PCLO: variants seen among roughly 807,000 people sequenced by gnomAD.
The protein encoded by PCLO is protein piccolo.
PCLO carries 82 observed loss-of-function variants against 427.5 expected under a neutral mutation model. The observed-to-expected ratio is 0.19, with a 90% CI of 0.16 to 0.23. The LOEUF is 0.23. Among genes scored for constraint, PCLO ranks in the 10% least tolerant of loss-of-function variants. The probability of loss-of-function intolerance (pLI) is 1.00; values close to 1 mark genes in which losing one functional copy is unlikely to be tolerated. For synonymous variants in PCLO, 2,357 were observed against 2,155.4 expected, an observed-to-expected ratio of 1.09 and a Z score of -2.59; for missense variants, 6,239 against 6,115.9, an observed-to-expected ratio of 1.02 and a Z score of -0.67.
In PCLO at chr7:83,155,259, G is replaced by A. The variant is rs796149623; in HGVS notation, c.1382C>T (p.Ala461Val). ...AGGCTTTGTTGGGCCAGTCTGCTGG[G>A]CAGAAGTCTTTCCGGGTCCTGCCTG... ...AQQAGPGKTSAQQTGPTKPPS... is the reference protein window; with the variant it reads ...AQQAGPGKTSVQQTGPTKPPS... The change falls in exon 2 of 25, where the codon GCC (alanine) becomes GTC (valine). Residue 461 changes from alanine to valine, a missense_variant. Coordinates refer to ENST00000333891, the MANE Select transcript of PCLO (RefSeq NM_033026.6). The A allele has an allele frequency of 2.5e-6, 4 of 1,613,712 alleles. No homozygotes were observed. The highest frequency in any genetic ancestry group is 3.3e-5 in the Admixed American group (2 of 59,996).
chr7:82,946,053 G>C (rs953309152), intron 6 of PCLO, among the ~76,000 whole-genome samples: 1 of 152,156 alleles, frequency 6.6e-6, no homozygotes, highest in South Asian at 2.1e-4. Flanking sequence ...GTAAGGGCTT[G>C]CTAGTAGCTA....
chr7:83,093,492 A>ATTTTTTT (rs1169852004), intron 3 of PCLO, among the ~76,000 whole-genome samples: 22 of 59,270 alleles, frequency 3.7e-4, no homozygotes, highest in Admixed American at 8.7e-4. Flanking sequence ...ATATATATAT[A>ATTTTTTT]TTTTTTTTTT....
chr7:82,757,478 A>C lies in PCLO; in HGVS notation c.*1097T>G, dbSNP rs896931571. ...AGTGTCATGTTTTCATGATACAATC[A>C]GTAAATGAATTAAGTCATTAAGGAA... is the stretch of plus-strand genomic sequence containing the variant. On this transcript the variant is annotated 3_prime_UTR_variant, in exon 25 of 25. Coordinates refer to ENST00000333891, the MANE Select transcript of PCLO (RefSeq NM_033026.6). 4.6e-5 allele frequency: 7 copies of C among 152,030 alleles called. No homozygotes were observed. The highest frequency in any genetic ancestry group is 8.8e-5 in the Non-Finnish European group (6 of 67,940). 9.4% of individuals were successfully genotyped at this position (152,030 alleles called of 1,614,324 possible).
At chr7:82,805,890 A>G in intron 20 of PCLO, 61 bp from the exon 21 acceptor site, 1 of 1,477,480 alleles carries the variant, frequency 6.8e-7, no homozygotes, top group Non-Finnish European at 9.3e-7. Flanking sequence ...TTGATCTACA[A>G]ATGCATCATT....
chr7:82,764,127 G>A (rs1790484843), intron 22 of PCLO, among the ~76,000 whole-genome samples: 1 of 151,840 alleles, frequency 6.6e-6, no homozygotes, highest in East Asian at 1.9e-4. Flanking sequence ...TATAAAGTAT[G>A]AAACTAAAAA....
intron 17 of PCLO, among the ~76,000 whole-genome samples, chr7:82,826,973 A>G (rs1434282559): frequency 1.3e-5 from 2 of 152,210 alleles, no homozygotes; most frequent in South Asian, 2.1e-4. Context: ...TACTCTAAAT[A>G]TAAGAAATTC....
intron 7 of PCLO, 123 bp from the exon 8 acceptor site, chr7:82,909,136 A>C: frequency 1.2e-6 from 1 of 851,168 alleles, no homozygotes; most frequent in Non-Finnish European, 1.8e-6. Context: ...TTTCAAACAC[A>C]TCTCCCCTTG....
chr7:83,065,740 G>A (rs1789654441), intron 3 of PCLO, among the ~76,000 whole-genome samples: 1 of 151,888 alleles, frequency 6.6e-6, no homozygotes, highest in Non-Finnish European at 1.5e-5. Context: ...ATAAAAAACA[G>A]GAAAGCTTTC....
intron 2 of PCLO, among the ~76,000 whole-genome samples, chr7:83,137,129 T>C (rs935516497): frequency 6.6e-6 from 1 of 152,128 alleles, no homozygotes; most frequent in Non-Finnish European, 1.5e-5. Flanking sequence ...CAGTACAAAA[T>C]TGCAAAGTGT....
chr7:82,872,083 C>A (rs576445717), intron 10 of PCLO, among the ~76,000 whole-genome samples: 1 of 151,884 alleles, frequency 6.6e-6, no homozygotes, highest in East Asian at 1.9e-4. Context: ...CAGTGCAACA[C>A]ATTTACAAAA....
In PCLO at chr7:82,956,055, T is replaced by C. The variant is rs770206027; in HGVS notation, c.4898A>G (p.Asp1633Gly). 8 of 1,612,782 alleles carry C rather than the reference T, an allele frequency of 5.0e-6. No homozygotes were observed. Among genetic ancestry groups the C allele is most frequent in the Non-Finnish European group, 6.8e-6 (8 of 1,179,856 alleles). Residue 1633 changes from aspartate to glycine, a missense_variant, in exon 5 of 25, where the codon GAC becomes GGC. Around this residue, in one of 5 missense-constraint regions of PCLO, gnomAD observed 4,677 missense variants for 4,468.4 expected, o/e 1.05. Coordinates refer to ENST00000333891, the MANE Select transcript of PCLO (RefSeq NM_033026.6). ...AGGACTTTCATCAAATGCTTCATCG[T>C]CTTCATCATGCCATGAGTGACGTCT... is the stretch of plus-strand genomic sequence containing the variant. ...AGRRHSWHDE[D>G]DEAFDESPEL...
At chr7:82,945,613 T>C (rs1024326842) in intron 6 of PCLO, among the ~76,000 whole-genome samples, 1 of 152,166 alleles carries the variant, frequency 6.6e-6, no homozygotes, top group Non-Finnish European at 1.5e-5. Flanking sequence ...ACCCAGTTTG[T>C]GGTACTGTTA....
At chr7:82,821,464 T>A (rs1791789470) in intron 20 of PCLO, 1 of 985,482 alleles carries the variant, frequency 1.0e-6, no homozygotes, top group Non-Finnish European at 1.2e-6. Context: ...TAAAACTGGC[T>A]GTTTCTTTGA....
At chr7:82,798,865 G>A (rs560645227) in intron 22 of PCLO, among the ~76,000 whole-genome samples, 85 of 152,214 alleles carry the variant, frequency 5.6e-4, no homozygotes, top group Admixed American at 4.1e-3. Flanking sequence ...TACATATTCT[G>A]TCTTGTTCCC....
intron 3 of PCLO, among the ~76,000 whole-genome samples, chr7:82,986,722 G>A (rs1796264669): frequency 6.6e-6 from 1 of 151,878 alleles, no homozygotes; most frequent in African/African-American, 2.4e-5. Context: ...CTAAAATGGG[G>A]ATAGATTGAT....
intron 22 of PCLO, among the ~76,000 whole-genome samples, chr7:82,764,973 C>T (rs528467793): frequency 6.6e-6 from 1 of 151,690 alleles, no homozygotes; most frequent in African/African-American, 2.4e-5. Flanking sequence ...ATGAATATAC[C>T]TTTTTCTTAA....
At chr7:82,778,321 T>C (rs946284923) in intron 22 of PCLO, among the ~76,000 whole-genome samples, 1 of 152,038 alleles carries the variant, frequency 6.6e-6, no homozygotes, top group Non-Finnish European at 1.5e-5. Context: ...TTAGTGGGAG[T>C]GTAAATTAGT....
At chr7:83,087,440 C>T (rs1355859596) in intron 3 of PCLO, among the ~76,000 whole-genome samples, 1 of 151,356 alleles carries the variant, frequency 6.6e-6, no homozygotes, top group Non-Finnish European at 1.5e-5. Context: ...CCACTTGTAC[C>T]CCAAAAGGTA....
At chr7:83,130,130 TTTG>T (rs57722657) in intron 3 of PCLO, among the ~76,000 whole-genome samples, 57,105 of 151,210 alleles carry the variant, frequency 0.38, 11,372 homozygotes, top group East Asian at 0.54. Context: ...CCATTATGTT[TTTG>T]TTGTTGTTGT....
Sources: allele counts gnomAD v4.1 joint callset (sites outside exome capture counted in the v4.1 genomes callset), GRCh38; gene constraint gnomAD v4.1.1; regional missense constraint gnomAD v4.1.1; transcripts MANE v1.5; gene names NCBI Gene and HGNC (gene_info 2026-07-23, HGNC 2026-07-21).